GRM8: variants seen among roughly 807,000 people sequenced by gnomAD.
GRM8 encodes the protein metabotropic glutamate receptor 8.
GRM8 carries 47 observed loss-of-function variants against 87.2 expected under a neutral mutation model. That is an observed-to-expected ratio of 0.54 (90% CI 0.43 to 0.69). The LOEUF is 0.69. Among genes scored for constraint, GRM8 ranks in the 30% least tolerant of loss-of-function variants. GRM8 has a pLI of 0.00. For synonymous variants in GRM8, 396 were observed against 404.5 expected, an observed-to-expected ratio of 0.98 and a Z score of 0.25; for missense variants, 1,019 against 1,139.2, an observed-to-expected ratio of 0.89 and a Z score of 1.52.
chr7:126,659,017 T>C (rs1221471817), intron 7 of GRM8, among the ~76,000 whole-genome samples: 2 of 151,870 alleles, frequency 1.3e-5, no homozygotes, highest in African/African-American at 4.8e-5. Flanking sequence ...TGTAGGTAAT[T>C]AATATGGTTG....
At chr7:127,055,730 GCCCT>G in intron 3 of GRM8, among the ~76,000 whole-genome samples, 1 of 151,762 alleles carries the variant, frequency 6.6e-6, no homozygotes, top group Middle Eastern at 3.4e-3. Context: ...AAACACCAAA[GCCCT>G]CATTAGCTCA....
At chr7:126,729,290 T>G (rs1813345521) in intron 7 of GRM8, among the ~76,000 whole-genome samples, 1 of 152,170 alleles carries the variant, frequency 6.6e-6, no homozygotes, top group Non-Finnish European at 1.5e-5. Context: ...GAAAATGTCA[T>G]CTGGCCCCAG....
At chr7:127,029,114 A>C (rs1428866426) in intron 3 of GRM8, among the ~76,000 whole-genome samples, 1 of 152,182 alleles carries the variant, frequency 6.6e-6, no homozygotes, top group Non-Finnish European at 1.5e-5. Flanking sequence ...ATTCAGGAGC[A>C]GATTGTTCAG....
chr7:126,505,995 TCTC>T (rs1382367639), intron 9 of GRM8, among the ~76,000 whole-genome samples: 3 of 151,938 alleles, frequency 2.0e-5, no homozygotes, highest in African/African-American at 7.2e-5. Context: ...TCCCCATTCC[TCTC>T]CTCCTCCTAG....
intron 7 of GRM8, among the ~76,000 whole-genome samples, chr7:126,676,004 C>A (rs1258427660): frequency 1.3e-5 from 2 of 152,138 alleles, no homozygotes; most frequent in East Asian, 3.9e-4. Context: ...AAGACTCTAC[C>A]AAAAGACTCC....
At chr7:126,649,250 T>A (rs1210349185) in intron 7 of GRM8, among the ~76,000 whole-genome samples, 1 of 152,116 alleles carries the variant, frequency 6.6e-6, no homozygotes, top group East Asian at 1.9e-4. Context: ...TAACATTGAA[T>A]CAGTGGGCTG....
At chr7:126,892,021 TAAA>T (rs5887316) in intron 6 of GRM8, among the ~76,000 whole-genome samples, 6 of 95,064 alleles carry the variant, frequency 6.3e-5, no homozygotes, top group African/African-American at 4.2e-5. Flanking sequence ...TCTTGCAGGG[TAAA>T]AAAAAAAAAA....
intron 2 of GRM8, among the ~76,000 whole-genome samples, chr7:127,161,727 GACA>G (rs907208221): frequency 1.3e-5 from 2 of 151,968 alleles, no homozygotes; most frequent in African/African-American, 4.8e-5. Flanking sequence ...CATGAATAAA[GACA>G]ACTATAATGA....
chr7:127,073,048 G>A (rs765723695), intron 3 of GRM8, among the ~76,000 whole-genome samples: 30 of 152,162 alleles, frequency 2.0e-4, no homozygotes, highest in Non-Finnish European at 2.8e-4. Flanking sequence ...GAAAGTGAAG[G>A]GGAAATGAGA....
chr7:126,693,727 G>A (rs992235830), intron 7 of GRM8, among the ~76,000 whole-genome samples: 1 of 152,064 alleles, frequency 6.6e-6, no homozygotes, highest in Admixed American at 6.6e-5. Flanking sequence ...TTTCTAGACA[G>A]TTTTCTTTGT....
At chr7:127,069,523 T>G (rs1213868205) in intron 3 of GRM8, among the ~76,000 whole-genome samples, 1 of 152,178 alleles carries the variant, frequency 6.6e-6, no homozygotes, top group Non-Finnish European at 1.5e-5. Context: ...TAGGAAATTC[T>G]TTTGTAAAGA....
chr7:126,831,327 A>G (rs553660479), intron 6 of GRM8, among the ~76,000 whole-genome samples: 1 of 152,352 alleles, frequency 6.6e-6, no homozygotes, highest in East Asian at 1.9e-4. Context: ...AGAGGCAGGC[A>G]GGCCTCCTTG....
chr7:126,878,710 T>A (rs1243675659), intron 6 of GRM8, among the ~76,000 whole-genome samples: 1 of 151,824 alleles, frequency 6.6e-6, no homozygotes, highest in African/African-American at 2.4e-5. Flanking sequence ...TTAGCAGAGA[T>A]GGGATAGGGT....
At chr7:126,611,518 C>A (rs1369205751) in intron 7 of GRM8, among the ~76,000 whole-genome samples, 1 of 152,158 alleles carries the variant, frequency 6.6e-6, no homozygotes, top group Non-Finnish European at 1.5e-5. Context: ...ATATTTCTGG[C>A]TGGAAAAACA....
At chr7:126,461,246 A>G (rs552817375) in intron 9 of GRM8, among the ~76,000 whole-genome samples, 2 of 151,676 alleles carry the variant, frequency 1.3e-5, no homozygotes, top group South Asian at 4.1e-4. Flanking sequence ...GATGCAGCTC[A>G]GACACAATAT....
chr7:126,571,567 C>T (rs554027929), intron 8 of GRM8, among the ~76,000 whole-genome samples: 3 of 152,080 alleles, frequency 2.0e-5, no homozygotes, highest in Admixed American at 1.3e-4. Context: ...GTGTGCTGGC[C>T]CTTCCCATAG....
At chr7:126,921,008 G>A (rs1464160335) in intron 3 of GRM8, among the ~76,000 whole-genome samples, 1 of 152,054 alleles carries the variant, frequency 6.6e-6, no homozygotes, top group South Asian at 2.1e-4. Flanking sequence ...CACCTCCAAG[G>A]CTCACAAACA....
intron 9 of GRM8, among the ~76,000 whole-genome samples, chr7:126,482,767 G>A (rs1806846850): frequency 6.6e-6 from 1 of 151,904 alleles, no homozygotes; most frequent in Non-Finnish European, 1.5e-5. Flanking sequence ...TCACTGCACT[G>A]TATACTTAAA....
chr7:126,601,304 G>A lies in GRM8; in HGVS notation c.1494+8058C>T, dbSNP rs552536503. Among the ~76,000 whole-genome samples the A allele has an allele frequency of 2.8e-4, 43 of 152,106 alleles. 2 individuals carry two copies. In the South Asian group the frequency reaches 5.6e-3, roughly 20 times the overall value. ...GCATAGTATTCCGTGGTGTATATGC[G>A]CCATATTTTCTTAATCCAGTCTATC... On this transcript the variant is annotated intron_variant, in intron 8 of 10. Coordinates refer to ENST00000339582, the MANE Select transcript of GRM8 (RefSeq NM_000845.3).
Sources: gnomAD v4.1 joint callset for allele counts (sites outside exome capture counted in the v4.1 genomes callset) on GRCh38, gnomAD v4.1.1 for gene constraint, MANE v1.5 for transcripts, NCBI Gene and HGNC (gene_info 2026-07-23, HGNC 2026-07-21) for gene names.